Variants in TLK1 observed in about 807,000 individuals in gnomAD.
The protein encoded by TLK1 is serine/threonine-protein kinase tousled-like 1.
A neutral mutation model predicts 105.3 loss-of-function variants in TLK1; 24 were observed. That is an observed-to-expected ratio of 0.23 (90% confidence interval 0.17 to 0.32). TLK1 has a LOEUF of 0.32. Ranked by LOEUF, TLK1 falls within the 10% of genes least tolerant of loss-of-function variation. TLK1 has a pLI of 1.00. For missense variants in TLK1, 558 were observed against 910.5 expected (o/e 0.61, Z 4.98); for synonymous variants, 321 against 310.4 (o/e 1.03, Z -0.36).
intron 1 of TLK1, among the ~76,000 whole-genome samples, chr2:171,133,094 G>A (rs894878674): frequency 1.3e-5 from 2 of 151,964 alleles, no homozygotes; most frequent in African/African-American, 4.8e-5. Context: ...AAAATAAAAG[G>A]GACACAAGCT....
chr2:171,130,454 C>T (rs1691056857), intron 1 of TLK1, among the ~76,000 whole-genome samples: 1 of 152,074 alleles, frequency 6.6e-6, no homozygotes, highest in Admixed American at 6.5e-5. Flanking sequence ...TGTTCACAGG[C>T]AGGACACAGC....
At chr2:171,190,714 A>G (rs776588323) in intron 1 of TLK1, among the ~76,000 whole-genome samples, 6 of 152,244 alleles carry the variant, frequency 3.9e-5, no homozygotes, top group South Asian at 4.1e-4. Flanking sequence ...AAAAGCGTGC[A>G]GCAAAAAATA....
At chr2:171,099,526 A>G (rs1231666019) in intron 2 of TLK1, among the ~76,000 whole-genome samples, 3 of 152,190 alleles carry the variant, frequency 2.0e-5, no homozygotes, top group African/African-American at 4.8e-5. Flanking sequence ...TCATATTGAA[A>G]TGCAAGGGAC....
chr2:171,160,692 A>C lies in TLK1; in HGVS notation c.-264T>G, dbSNP rs577689894. 8.1e-6 allele frequency: 4 copies of C among 492,532 alleles called. No individual in the cohort carries two copies. The highest frequency in any genetic ancestry group is 1.0e-5 in the Non-Finnish European group (3 of 293,822). 30.5% of individuals were successfully genotyped at this position (492,532 alleles called of 1,614,324 possible). Reference sequence around the variant, plus strand: ...GGCGCGCCAGAGGAGAGGAGGAGGAAAGGAGCGCGGCGGCGGAGGCGTCGA... The same window carrying C: ...GGCGCGCCAGAGGAGAGGAGGAGGACAGGAGCGCGGCGGCGGAGGCGTCGA... On this transcript the variant is annotated 5_prime_UTR_variant, in exon 1 of 21. Transcript: ENST00000431350. This position sits in a 1 kb window ranked among gnomAD's most constrained non-coding sequence, Gnocchi z 4.4.
At chr2:171,152,094 C>T (rs1692065018) in intron 1 of TLK1, among the ~76,000 whole-genome samples, 1 of 152,112 alleles carries the variant, frequency 6.6e-6, no homozygotes, top group Admixed American at 6.5e-5. Flanking sequence ...CATGAAGTCA[C>T]ACAACTTATC....
At position 171,160,472 on chromosome 2, in the gene TLK1, CG is replaced by C; in HGVS notation, c.-45del. 1.3e-6 allele frequency: 2 copies of C among 1,570,892 alleles called. No homozygotes were observed. The highest frequency in any genetic ancestry group is 1.7e-6 in the Non-Finnish European group (2 of 1,163,228). ...CCCGACTCCCCCCCTGCGACGGCAG[CG>C]GCGGCAACGGCACCGGCACCCGCCT... On this transcript the variant is annotated 5_prime_UTR_variant, in exon 1 of 21. An upstream open reading frame in the 5' UTR gains an earlier in-frame stop. Coordinates refer to ENST00000431350, the MANE Select transcript of TLK1 (RefSeq NM_012290.5). The surrounding 1 kb of genome is among the most constrained non-coding windows in gnomAD (Gnocchi z 4.4).
intron 3 of TLK1, among the ~76,000 whole-genome samples, chr2:171,073,955 A>G (rs1688382561): frequency 7.1e-6 from 1 of 140,578 alleles, no homozygotes. Flanking sequence ...CAGTGGTGCA[A>G]TCTCGGCTCA....
intron 1 of TLK1, among the ~76,000 whole-genome samples, chr2:171,130,452 G>C (rs1308560090): frequency 6.6e-6 from 1 of 152,164 alleles, no homozygotes; most frequent in Non-Finnish European, 1.5e-5. Flanking sequence ...GTTGTTCACA[G>C]GCAGGACACA....
intron 12 of TLK1, 94 bp from the exon 13 acceptor site, chr2:171,015,042 G>A (rs1468336506): frequency 1.1e-6 from 1 of 909,080 alleles, no homozygotes; most frequent in South Asian, 1.4e-5. Context: ...ACAGTGATGG[G>A]AAGAATAGTA....
intron 1 of TLK1, among the ~76,000 whole-genome samples, chr2:171,150,266 G>A (rs746833163): frequency 2.0e-5 from 3 of 151,964 alleles, no homozygotes; most frequent in South Asian, 2.1e-4. Context: ...CTCTGCTCTC[G>A]TAATTCCATG....
chr2:171,225,662 C>T lies in TLK1; in HGVS notation c.-6+5483G>A, dbSNP rs75508949. Among the ~76,000 whole-genome samples, 1,180 of 152,158 alleles carry T rather than the reference C, an allele frequency of 7.8e-3. 89 individuals are homozygous for T. The East Asian group carries it at 0.18, about 23-fold the overall frequency. ...GTATGTCCACAAAAAAAAACCCTAA[C>T]GTTTATACATTATTTATGAATGGAT... On this transcript the variant is annotated intron_variant, in intron 1 of 20. Transcript: ENST00000521943.
At chr2:171,003,508 C>T (rs1684498045) in intron 18 of TLK1, among the ~76,000 whole-genome samples, 1 of 152,092 alleles carries the variant, frequency 6.6e-6, no homozygotes, top group African/African-American at 2.4e-5. Context: ...AGAGCACTTC[C>T]ATCATTACTG....
chr2:171,079,921 T>G (rs1156408729), intron 3 of TLK1, among the ~76,000 whole-genome samples: 1 of 152,182 alleles, frequency 6.6e-6, no homozygotes, highest in Non-Finnish European at 1.5e-5. Flanking sequence ...ACAGAAAATG[T>G]CCAACTGGTG....
intron 4 of TLK1, among the ~76,000 whole-genome samples, chr2:171,060,414 C>T (rs1230588789): frequency 1.3e-5 from 2 of 152,154 alleles, no homozygotes; most frequent in Non-Finnish European, 2.9e-5. Flanking sequence ...AAATACATTC[C>T]TTGCTTCCAG....
intron 1 of TLK1, among the ~76,000 whole-genome samples, chr2:171,175,048 G>A (rs369466239): frequency 4.6e-5 from 7 of 152,000 alleles, no homozygotes; most frequent in Admixed American, 2.0e-4. Flanking sequence ...TGGGCAACAC[G>A]GCAAGGCCCC....
At chr2:171,051,379 G>A (rs764526111) in intron 8 of TLK1, among the ~76,000 whole-genome samples, 7 of 152,030 alleles carry the variant, frequency 4.6e-5, no homozygotes, top group African/African-American at 1.2e-4. Flanking sequence ...CCCTTAGAGC[G>A]AAGGATGGTT....
At chr2:171,230,514 C>T (rs368555724) in intron 1 of TLK1, among the ~76,000 whole-genome samples, 10 of 152,150 alleles carry the variant, frequency 6.6e-5, no homozygotes, top group African/African-American at 2.2e-4. Context: ...CCCCCTGTCC[C>T]GACACCACCC....
At chr2:171,015,083 A>T (rs1001156605) in intron 12 of TLK1, 135 bp from the exon 13 acceptor site, 8 of 667,670 alleles carry the variant, frequency 1.2e-5, no homozygotes, top group African/African-American at 1.8e-5. Context: ...TTAAAAGACC[A>T]AAGTGCTCTT....
intron 1 of TLK1, among the ~76,000 whole-genome samples, chr2:171,139,029 T>A (rs1575621997): frequency 6.6e-6 from 1 of 152,342 alleles, no homozygotes; most frequent in South Asian, 2.1e-4. Context: ...AAAACTTTTT[T>A]ATATTAAACT....
Sources: gnomAD v4.1 joint callset for allele counts (sites outside exome capture counted in the v4.1 genomes callset) on GRCh38, gnomAD v4.1.1 for gene constraint, Gnocchi (gnomAD v3.1) non-coding constraint, MANE v1.5 for transcripts, NCBI Gene and HGNC (gene_info 2026-07-23, HGNC 2026-07-21) for gene names.